NLGN4X: variants seen among roughly 807,000 people sequenced by gnomAD.
NLGN4X encodes the protein neuroligin 4 X-linked.
Under a neutral mutation model 40.3 loss-of-function variants are expected in NLGN4X, and 3 were observed. The observed-to-expected ratio is 0.07, with a 90% CI of 0.03 to 0.19. NLGN4X has a LOEUF of 0.19. NLGN4X is among the 10% of genes least tolerant of loss of function. NLGN4X has a pLI of 1.00. For synonymous variants in NLGN4X, 270 were observed against 306.8 expected, an observed-to-expected ratio of 0.88 and a Z score of 1.25; for missense variants, 382 against 708.3, an observed-to-expected ratio of 0.54 and a Z score of 5.23.
intron 3 of NLGN4X, among the ~76,000 whole-genome samples, chrX:6,015,097 A>G (rs2036359380): frequency 8.9e-6 from 1 of 111,925 alleles, no homozygotes. Context: ...ATTTCTCCAT[A>G]GCACTTGTGA....
In NLGN4X at chrX:6,115,457, C is replaced by T. The variant is rs776242232; in HGVS notation, c.472+35538G>A. 9.9e-5 allele frequency among the ~76,000 whole-genome samples: 11 copies of T among 111,466 alleles called. No individual in the cohort carries two copies. In the East Asian group the frequency reaches 2.8e-3, roughly 29 times the overall value. ...TAGGTAATGGCTGGGCAAAAATATG[C>T]CCCTGTTCTCAGGGGCTTCATGTCG... On this transcript the variant is annotated intron_variant, in intron 2 of 5. Coordinates refer to ENST00000381095, the MANE Select transcript of NLGN4X (RefSeq NM_181332.3).
chrX:6,219,519 G>T, intron 1 of NLGN4X, among the ~76,000 whole-genome samples: 1 of 92,238 alleles, frequency 1.1e-5, no homozygotes, highest in Non-Finnish European at 2.1e-5. Context: ...CTCCCTCCCT[G>T]CTTCCTTTCT....
intron 4 of NLGN4X, among the ~76,000 whole-genome samples, chrX:5,907,184 G>T (rs2032236092): frequency 8.9e-6 from 1 of 112,056 alleles, no homozygotes; most frequent in East Asian, 2.8e-4. Flanking sequence ...AAGCTGTCTT[G>T]ATGACTGAGA....
chrX:6,113,207 G>A (rs2039193268), intron 2 of NLGN4X, among the ~76,000 whole-genome samples: 1 of 110,883 alleles, frequency 9.0e-6, no homozygotes, highest in South Asian at 3.8e-4. Context: ...CAGAAGAATG[G>A]GTGGGCTTTA....
At chrX:6,068,313 C>A (rs1485089889) in intron 2 of NLGN4X, among the ~76,000 whole-genome samples, 1 of 111,566 alleles carries the variant, frequency 9.0e-6, no homozygotes, top group Non-Finnish European at 1.9e-5. Context: ...CAGCTCCTGA[C>A]CTGAGATAAG....
intron 2 of NLGN4X, among the ~76,000 whole-genome samples, chrX:6,047,686 A>C (rs913917529): frequency 8.9e-6 from 1 of 112,051 alleles, no homozygotes; most frequent in Non-Finnish European, 1.9e-5. Context: ...AAAAACAAAC[A>C]AAATGTCCAG....
intron 1 of NLGN4X, among the ~76,000 whole-genome samples, chrX:6,167,167 C>T (rs896146289): frequency 9.1e-6 from 1 of 110,410 alleles, no homozygotes; most frequent in Non-Finnish European, 1.9e-5. Flanking sequence ...TGAGACAGGT[C>T]TTCCTGTCTT....
chrX:6,011,904 GAAACA>G (rs1247893594), intron 3 of NLGN4X, among the ~76,000 whole-genome samples: 1 of 111,215 alleles, frequency 9.0e-6, no homozygotes, highest in Non-Finnish European at 1.9e-5. Context: ...AGAAGGCTAT[GAAACA>G]GTTGAGTTTG....
chrX:6,134,172 T>C (rs1239169097), intron 2 of NLGN4X, among the ~76,000 whole-genome samples: 1 of 111,847 alleles, frequency 8.9e-6, no homozygotes, highest in Non-Finnish European at 1.9e-5. Flanking sequence ...GACTGATGAC[T>C]GAAGGATGCT....
chrX:6,077,310 G>GTGGT (rs1168394609), intron 2 of NLGN4X, among the ~76,000 whole-genome samples: 5 of 102,545 alleles, frequency 4.9e-5, no homozygotes, highest in East Asian at 3.0e-4. Context: ...GTGTGTGTGT[G>GTGGT]GTGTGTGTGT....
intron 2 of NLGN4X, among the ~76,000 whole-genome samples, chrX:6,033,582 T>C (rs1332513032): frequency 5.3e-5 from 6 of 112,372 alleles, no homozygotes; most frequent in Non-Finnish European, 1.1e-4. Flanking sequence ...GTGTTTAAAA[T>C]AGTTACTAAA....
intron 1 of NLGN4X, among the ~76,000 whole-genome samples, chrX:6,188,367 T>C (rs1922261903): frequency 8.9e-6 from 1 of 112,173 alleles, no homozygotes; most frequent in Non-Finnish European, 1.9e-5. Flanking sequence ...TTTTAGCAAT[T>C]ACTCTTCAAT....
In NLGN4X at chrX:6,122,208, C is replaced by T. The variant is rs560065268; in HGVS notation, c.472+28787G>A. Among the ~76,000 whole-genome samples, 5 of 111,649 alleles carry T rather than the reference C, an allele frequency of 4.5e-5. No homozygotes were observed. The East Asian group carries it at 1.1e-3, about 25-fold the overall frequency. On this transcript the variant is annotated intron_variant, in intron 2 of 5. Transcript: ENST00000381095. ...CTTTTCCCTCCAATTTACCCAGAGG[C>T]ATGAAATCGAGAGGTGGGCCTTTAT...
At chrX:5,954,538 T>C (rs998618162) in intron 3 of NLGN4X, among the ~76,000 whole-genome samples, 1 of 107,144 alleles carries the variant, frequency 9.3e-6, no homozygotes, top group Non-Finnish European at 1.9e-5. Flanking sequence ...GCCAGCCTCA[T>C]ACATTGACAC....
At chrX:6,176,783 A>G (rs1191696541) in intron 1 of NLGN4X, among the ~76,000 whole-genome samples, 1 of 111,898 alleles carries the variant, frequency 8.9e-6, no homozygotes, top group Non-Finnish European at 1.9e-5. Flanking sequence ...CCTTGATTTT[A>G]GCCTCCTAAG....
At chrX:5,979,545 T>G (rs1385714491) in intron 3 of NLGN4X, among the ~76,000 whole-genome samples, 2 of 110,240 alleles carry the variant, frequency 1.8e-5, no homozygotes, top group African/African-American at 6.6e-5. Context: ...CATTCTCAGA[T>G]GTGTAGTGGT....
intron 2 of NLGN4X, among the ~76,000 whole-genome samples, chrX:6,109,791 A>G (rs189226568): frequency 8.9e-6 from 1 of 112,188 alleles, no homozygotes; most frequent in East Asian, 2.8e-4. Context: ...TGCAAACCCC[A>G]TAGCTAACTC....
intron 4 of NLGN4X, among the ~76,000 whole-genome samples, chrX:5,905,947 C>T (rs767692342): frequency 2.7e-5 from 3 of 112,193 alleles, no homozygotes; most frequent in Non-Finnish European, 5.6e-5. Flanking sequence ...AGGCAGGAGC[C>T]TCAGTGCCTG....
intron 1 of NLGN4X, among the ~76,000 whole-genome samples, chrX:6,211,574 A>G (rs955743070): frequency 1.8e-5 from 2 of 111,918 alleles, no homozygotes; most frequent in African/African-American, 6.5e-5. Context: ...GAATATCGGT[A>G]AAGATATGTG....
Sources: allele counts gnomAD v4.1 joint callset (sites outside exome capture counted in the v4.1 genomes callset), GRCh38; gene constraint gnomAD v4.1.1; transcripts MANE v1.5; gene names NCBI Gene and HGNC (gene_info 2026-07-23, HGNC 2026-07-21).